The following BICC1 variants were observed in gnomAD, a reference collection of about 807,000 sequenced individuals.
The protein encoded by BICC1 is BicC family RNA binding protein 1, also known as protein bicaudal C homolog 1.
A neutral mutation model predicts 111.0 loss-of-function variants in BICC1; 43 were observed. That is an observed-to-expected ratio of 0.39 (90% confidence interval 0.30 to 0.50). BICC1 has a LOEUF of 0.50. BICC1 is among the 20% of genes least tolerant of loss of function. The pLI is 0.88. For synonymous variants in BICC1, 467 were observed against 434.4 expected, an observed-to-expected ratio of 1.07 and a Z score of -0.93; for missense variants, 1,091 against 1,203.2, an observed-to-expected ratio of 0.91 and a Z score of 1.38.
At chr10:58,700,267 C>A (rs1840191402) in intron 2 of BICC1, among the ~76,000 whole-genome samples, 2 of 152,032 alleles carry the variant, frequency 1.3e-5, no homozygotes, top group South Asian at 4.2e-4. Flanking sequence ...CAGCTGAAGT[C>A]TGAGCATGAG....
chr10:58,610,794 C>CT (rs1259847687), intron 1 of BICC1, among the ~76,000 whole-genome samples: 5 of 151,894 alleles, frequency 3.3e-5, no homozygotes. Flanking sequence ...TGGAGGGTGT[C>CT]TATTTCTGTC....
In BICC1 at chr10:58,796,470, T is replaced by G; in HGVS notation, c.1310T>G (p.Leu437Arg). The change falls in exon 10 of 21, where the codon CTG (leucine) becomes CGG (arginine). Residue 437 changes from leucine (L) to arginine (R), a missense_variant. Transcript: ENST00000373886. ...SPSPASCPAG[L>R]ACPSLDILAS... ...TCCCCAGCATCCTGCCCTGCCGGCC[T>G]GGCATGTCCCAGCCTGGATATCTTA... is the stretch of plus-strand genomic sequence containing the variant. 6.2e-7 allele frequency: 1 copy of G among 1,614,114 alleles called. No homozygotes were observed. Among genetic ancestry groups the G allele is most frequent in the Non-Finnish European group, 8.5e-7 (1 of 1,179,990 alleles).
chr10:58,536,384 G>A (rs1842826946), intron 1 of BICC1, among the ~76,000 whole-genome samples: 1 of 151,608 alleles, frequency 6.6e-6, no homozygotes, highest in African/African-American at 2.4e-5. Context: ...CATATTCTCA[G>A]ACCACAGCAG....
intron 20 of BICC1, among the ~76,000 whole-genome samples, chr10:58,825,983 CTAT>C (rs919334444): frequency 6.6e-5 from 10 of 150,690 alleles, no homozygotes; most frequent in African/African-American, 2.2e-4. Context: ...AGCATAACAA[CTAT>C]TGTTTAAAAA....
intron 1 of BICC1, among the ~76,000 whole-genome samples, chr10:58,600,395 C>T (rs1485960364): frequency 6.6e-6 from 1 of 152,014 alleles, no homozygotes; most frequent in African/African-American, 2.4e-5. Context: ...TTCAGGCTGT[C>T]TCTAAGACAG....
At chr10:58,597,614 A>G (rs1844860569) in intron 1 of BICC1, among the ~76,000 whole-genome samples, 1 of 152,098 alleles carries the variant, frequency 6.6e-6, no homozygotes, top group Admixed American at 6.6e-5. Flanking sequence ...GTACTGCAGG[A>G]GACCAGGGGG....
At chr10:58,697,847 A>C (rs1374798755) in intron 2 of BICC1, among the ~76,000 whole-genome samples, 1 of 151,536 alleles carries the variant, frequency 6.6e-6, no homozygotes, top group African/African-American at 2.4e-5. Context: ...GGATGCAATA[A>C]TCTAGCTCCA....
intron 20 of BICC1, among the ~76,000 whole-genome samples, chr10:58,827,105 T>C (rs2132999106): frequency 6.6e-6 from 1 of 152,128 alleles, no homozygotes; most frequent in South Asian, 2.1e-4. Context: ...AACATCAGAG[T>C]CGTCAAACTA....
At chr10:58,804,166 C>T (rs567658632) in intron 15 of BICC1, among the ~76,000 whole-genome samples, 269 of 152,028 alleles carry the variant, frequency 1.8e-3, no homozygotes, top group Middle Eastern at 3.4e-3. Context: ...CTAAGTTTTT[C>T]GATGAATTTT....
At chr10:58,762,538 GGAA>G (rs779649364) in intron 3 of BICC1, among the ~76,000 whole-genome samples, 6 of 152,116 alleles carry the variant, frequency 3.9e-5, no homozygotes, top group Non-Finnish European at 7.4e-5. Flanking sequence ...TGTGGTAAAA[GGAA>G]GAAGAACAGG....
chr10:58,819,394 G>T (rs934536882), intron 19 of BICC1, among the ~76,000 whole-genome samples: 2 of 152,084 alleles, frequency 1.3e-5, no homozygotes, highest in African/African-American at 4.8e-5. Context: ...TTAATGAAAA[G>T]TTTTACCTGT....
At chr10:58,800,688 A>T (rs560926556) in intron 13 of BICC1, among the ~76,000 whole-genome samples, 48 of 152,298 alleles carry the variant, frequency 3.2e-4, no homozygotes, top group African/African-American at 1.1e-3. Context: ...AATCTTTAAA[A>T]TATATGCGGG....
rs150236689 is a variant in BICC1 at position 58,722,627 on chromosome 10, G to C, written c.307+20484G>C. Reference sequence around the variant, plus strand: ...ATAAAATTAGGCCATGATCACGTTAGTTATCTCTGAGAGAGCACTTTTAGA... The same window carrying C: ...ATAAAATTAGGCCATGATCACGTTACTTATCTCTGAGAGAGCACTTTTAGA... On this transcript the variant is annotated intron_variant, in intron 3 of 20. Coordinates refer to ENST00000373886, the MANE Select transcript of BICC1 (RefSeq NM_001080512.3). Among the ~76,000 whole-genome samples, 268 of 152,260 alleles carry C rather than the reference G, an allele frequency of 1.8e-3. 2 individuals are homozygous for C. Among genetic ancestry groups the C allele is most frequent in the Middle Eastern group, 6.8e-3 (2 of 294 alleles).
rs1454924290 is a variant in BICC1, at chr10:58,829,405, TG to T, written c.*516del. 1 of 152,192 alleles carries T rather than the reference TG, an allele frequency of 6.6e-6. No individual in the cohort carries two copies. Among genetic ancestry groups the T allele is most frequent in the African/African-American group, 2.4e-5 (1 of 41,434 alleles). The allele number at this position is 152,192 out of a possible 1,614,324, so 9.4% of individuals were successfully genotyped here. ...TTACACGTTCTAATTTCTTGTCCTA[TG>T]GAAGTTCTCGCTGTCTCCATCTCTC... On this transcript the variant is annotated 3_prime_UTR_variant, in exon 21 of 21. Coordinates refer to ENST00000373886, the MANE Select transcript of BICC1 (RefSeq NM_001080512.3).
chr10:58,809,650 T>C (rs1843837281), intron 17 of BICC1, among the ~76,000 whole-genome samples: 1 of 152,242 alleles, frequency 6.6e-6, no homozygotes, highest in Non-Finnish European at 1.5e-5. Flanking sequence ...GAATGCTCAC[T>C]GGTGGAAATA....
intron 1 of BICC1, among the ~76,000 whole-genome samples, chr10:58,605,268 A>G (rs927342235): frequency 5.9e-5 from 9 of 152,220 alleles, no homozygotes; most frequent in South Asian, 2.1e-4. Flanking sequence ...TGAAAACACA[A>G]TATCCTTCCC....
chr10:58,626,178 G>C (rs1000208616), intron 2 of BICC1, among the ~76,000 whole-genome samples: 3 of 152,290 alleles, frequency 2.0e-5, no homozygotes, highest in East Asian at 3.9e-4. Flanking sequence ...CACTGAGAAA[G>C]CTGTGCAGCA....
At chr10:58,642,030 A>G (rs954178824) in intron 2 of BICC1, among the ~76,000 whole-genome samples, 1 of 152,264 alleles carries the variant, frequency 6.6e-6, no homozygotes, top group African/African-American at 2.4e-5. Flanking sequence ...TTGAAATTGT[A>G]ATAGCAGTGC....
At chr10:58,586,123 G>A (rs965472632) in intron 1 of BICC1, among the ~76,000 whole-genome samples, 7 of 152,080 alleles carry the variant, frequency 4.6e-5, no homozygotes, top group South Asian at 4.1e-4. Context: ...AGTTTCCTTC[G>A]TGAGGACTAA....
Sources: allele counts gnomAD v4.1 joint callset (sites outside exome capture counted in the v4.1 genomes callset), GRCh38; gene constraint gnomAD v4.1.1; transcripts MANE v1.5; gene names NCBI Gene and HGNC (gene_info 2026-07-23, HGNC 2026-07-21).